The following SLC35F1 variants were observed in gnomAD, a reference collection of about 807,000 sequenced individuals.
SLC35F1 encodes the protein chromosome 6 open reading frame 169.
A neutral mutation model predicts 48.7 loss-of-function variants in SLC35F1; 14 were observed. That is an observed-to-expected ratio of 0.29 (90% CI 0.19 to 0.45). The LOEUF is 0.45. Ranked by LOEUF, SLC35F1 falls within the 20% of genes least tolerant of loss-of-function variation. The probability of loss-of-function intolerance (pLI) is 1.00; values close to 1 mark genes in which losing one functional copy is unlikely to be tolerated. For synonymous variants in SLC35F1, 190 were observed against 202.2 expected, an observed-to-expected ratio of 0.94 and a Z score of 0.51; for missense variants, 404 against 500.0, an observed-to-expected ratio of 0.81 and a Z score of 1.83.
intron 3 of SLC35F1, 133 bp from the exon 4 acceptor site, chr6:118,266,862 C>A (rs1032528599): frequency 1.2e-6 from 1 of 865,868 alleles, no homozygotes; most frequent in African/African-American, 1.7e-5. Flanking sequence ...TACATCAAGT[C>A]TGGGTCTACA....
intron 1 of SLC35F1, among the ~76,000 whole-genome samples, chr6:117,909,603 T>C (rs1775738627): frequency 6.6e-6 from 1 of 152,212 alleles, no homozygotes; most frequent in Admixed American, 6.5e-5. Flanking sequence ...GGTTTCTTCA[T>C]TGTAAATTAT....
intron 3 of SLC35F1, among the ~76,000 whole-genome samples, chr6:118,243,023 G>A (rs1056765787): frequency 6.6e-6 from 1 of 152,146 alleles, no homozygotes; most frequent in Non-Finnish European, 1.5e-5. Context: ...CCACTCCTCT[G>A]ACGTGGGCAT....
At chr6:118,087,662 C>T (rs1773011508) in intron 1 of SLC35F1, among the ~76,000 whole-genome samples, 1 of 152,182 alleles carries the variant, frequency 6.6e-6, no homozygotes, top group African/African-American at 2.4e-5. Context: ...AGCCTGAGTG[C>T]ATGCCTTCCA....
At chr6:117,997,303 G>C (rs1272573746) in intron 1 of SLC35F1, among the ~76,000 whole-genome samples, 1 of 152,224 alleles carries the variant, frequency 6.6e-6, no homozygotes, top group East Asian at 1.9e-4. Context: ...TCTGATTGGT[G>C]TACCTGAAAG....
chr6:118,250,040 A>G (rs1775554007), intron 3 of SLC35F1, among the ~76,000 whole-genome samples: 1 of 152,232 alleles, frequency 6.6e-6, no homozygotes, highest in South Asian at 2.1e-4. Flanking sequence ...TCAGAGTAAT[A>G]GAAATTATTC....
intron 2 of SLC35F1, among the ~76,000 whole-genome samples, chr6:118,217,990 T>C (rs1272430857): frequency 1.3e-5 from 2 of 152,196 alleles, no homozygotes; most frequent in Non-Finnish European, 2.9e-5. Context: ...GTAGGACAGA[T>C]GGCATGGTAT....
intron 1 of SLC35F1, among the ~76,000 whole-genome samples, chr6:117,998,130 C>G (rs972970395): frequency 6.7e-6 from 1 of 150,124 alleles, no homozygotes. Flanking sequence ...CAATCCTATT[C>G]TCTGATAAAA....
At chr6:118,145,752 A>T (rs958348957) in intron 1 of SLC35F1, among the ~76,000 whole-genome samples, 1 of 152,228 alleles carries the variant, frequency 6.6e-6, no homozygotes, top group Non-Finnish European at 1.5e-5. Context: ...CATAGCATAA[A>T]GATAACCTCT....
intron 1 of SLC35F1, among the ~76,000 whole-genome samples, chr6:117,978,852 T>C (rs1776737310): frequency 6.6e-6 from 1 of 152,226 alleles, no homozygotes; most frequent in African/African-American, 2.4e-5. Flanking sequence ...TTATTCTTCA[T>C]GTGTCTGAAA....
intron 2 of SLC35F1, among the ~76,000 whole-genome samples, chr6:118,227,326 AGAG>A (rs1322137136): frequency 6.6e-6 from 1 of 152,222 alleles, no homozygotes; most frequent in Admixed American, 6.5e-5. Flanking sequence ...ATGGTCCTCA[AGAG>A]GAGTTGCTCA....
chr6:118,197,752 G>A (rs2114531463), intron 2 of SLC35F1, among the ~76,000 whole-genome samples: 1 of 151,592 alleles, frequency 6.6e-6, no homozygotes, highest in South Asian at 2.1e-4. Flanking sequence ...AAGACTTTAT[G>A]TTGTCTGCTT....
chr6:118,191,485 A>G (rs368567238), intron 2 of SLC35F1, among the ~76,000 whole-genome samples: 50 of 152,308 alleles, frequency 3.3e-4, no homozygotes, highest in African/African-American at 1.1e-3. Context: ...CTCCCTGGTT[A>G]GCTTTACCTT....
chr6:118,157,153 G>A (rs1304518747), intron 2 of SLC35F1, among the ~76,000 whole-genome samples: 2 of 152,150 alleles, frequency 1.3e-5, no homozygotes, highest in Admixed American at 6.5e-5. Context: ...GAAACTGCTT[G>A]AGGATATAGG....
chr6:118,073,586 G>T lies in SLC35F1; in HGVS notation c.174-80859G>T, dbSNP rs114802569. Reference sequence around the variant, plus strand: ...AATAAAATGCTGTCTATATACTTAGGTATACCATGAGTAAGTCTGTAAATC... The same window carrying T: ...AATAAAATGCTGTCTATATACTTAGTTATACCATGAGTAAGTCTGTAAATC... On this transcript the variant is annotated intron_variant, in intron 1 of 7. Coordinates refer to ENST00000360388, the MANE Select transcript of SLC35F1 (RefSeq NM_001029858.4). Among the ~76,000 whole-genome samples the T allele has an allele frequency of 2.6e-3, 395 of 152,204 alleles. 1 individual carries two copies. The highest frequency in any genetic ancestry group is 9.1e-3 in the African/African-American group (379 of 41,534).
chr6:118,205,591 C>T (rs1774925176), intron 2 of SLC35F1, among the ~76,000 whole-genome samples: 1 of 152,136 alleles, frequency 6.6e-6, no homozygotes, highest in African/African-American at 2.4e-5. Flanking sequence ...GAAAATGGTT[C>T]CTCAAGCAGT....
intron 1 of SLC35F1, among the ~76,000 whole-genome samples, chr6:117,914,485 GT>G (rs1775803887): frequency 6.6e-6 from 1 of 152,128 alleles, no homozygotes; most frequent in Non-Finnish European, 1.5e-5. Context: ...CTGGTCTGTC[GT>G]ATAAGATAGA....
chr6:118,270,541 C>A (rs1299514826), intron 4 of SLC35F1, among the ~76,000 whole-genome samples: 1 of 152,166 alleles, frequency 6.6e-6, no homozygotes, highest in African/African-American at 2.4e-5. Context: ...ATGTTTGTCA[C>A]CTGTACAACT....
chr6:118,254,408 C>T (rs569709495), intron 3 of SLC35F1, among the ~76,000 whole-genome samples: 3 of 152,130 alleles, frequency 2.0e-5, no homozygotes, highest in Non-Finnish European at 4.4e-5. Flanking sequence ...CAGCCTCCCA[C>T]GTGGCTGGGA....
chr6:118,106,362 C>T (rs1482589366), intron 1 of SLC35F1, among the ~76,000 whole-genome samples: 2 of 152,190 alleles, frequency 1.3e-5, no homozygotes, highest in Non-Finnish European at 2.9e-5. Flanking sequence ...GTCCATCCAA[C>T]AGTGCTTTCT....
Sources: allele counts gnomAD v4.1 joint callset (sites outside exome capture counted in the v4.1 genomes callset), GRCh38; gene constraint gnomAD v4.1.1; transcripts MANE v1.5; gene names NCBI Gene and HGNC (gene_info 2026-07-23, HGNC 2026-07-21).